Variants in PKD1L1 observed in about 807,000 individuals in gnomAD.
The protein encoded by PKD1L1 is polycystin-1-like protein 1.
Under a neutral mutation model 323.4 loss-of-function variants are expected in PKD1L1, and 236 were observed. The observed-to-expected ratio is 0.73, with a 90% CI of 0.66 to 0.81. The LOEUF (loss-of-function observed/expected upper bound fraction) is 0.81. PKD1L1 is among the 40% of genes least tolerant of loss of function. The pLI is 0.00. For synonymous variants in PKD1L1, 1,344 were observed against 1,335.0 expected, an observed-to-expected ratio of 1.01 and a Z score of -0.15; for missense variants, 3,320 against 3,508.0, an observed-to-expected ratio of 0.95 and a Z score of 1.35.
Position 47,885,815 on chromosome 7 carries a change from C to T in PKD1L1, c.3076G>A (p.Ala1026Thr), listed in dbSNP as rs144788330. The T allele has an allele frequency of 1.5e-4, 247 of 1,614,080 alleles. No individual in the cohort carries two copies. The highest frequency in any genetic ancestry group is 2.1e-4 in the Non-Finnish European group (243 of 1,180,044). The change falls in exon 18 of 57, where the codon GCA (alanine) becomes ACA (threonine). Residue 1026 changes from alanine to threonine, a missense_variant. Transcript: ENST00000289672. ...TCCTCTGGAGCCTCCCCCAGGACTG[C>T]AGAGTCCCCCGCAGGAGGAATCCAG... Reference protein sequence around the residue: ...VYWIPPAGDSAVLGEAPEEGS... With the variant: ...VYWIPPAGDSTVLGEAPEEGS...
chr7:47,880,282 A>AT (rs1309864473), intron 21 of PKD1L1, among the ~76,000 whole-genome samples: 5,059 of 69,492 alleles, frequency 0.073, 324 homozygotes, highest in East Asian at 0.22. Flanking sequence ...ATATATATAT[A>AT]TATTTTTTTT....
At chr7:47,893,198 C>G (rs978795900) in intron 15 of PKD1L1, among the ~76,000 whole-genome samples, 1 of 145,728 alleles carries the variant, frequency 6.9e-6, no homozygotes, top group African/African-American at 2.6e-5. Context: ...CCACTGCACT[C>G]CAGTCTGGGT....
Position 47,796,161 on chromosome 7 carries a change from G to A in PKD1L1, c.8194-11C>T, listed in dbSNP as rs1562933492. 17 of 1,565,180 alleles carry A rather than the reference G, an allele frequency of 1.1e-5. No individual in the cohort carries two copies. The highest frequency in any genetic ancestry group is 1.7e-4 in the Middle Eastern group (1 of 5,818). On this transcript the variant is annotated splice_polypyrimidine_tract_variant and intron_variant, in intron 54 of 56. Transcript: ENST00000289672. ...GAGAAAACCTCTCAGCTAGGAAAAA[G>A]AAAAAAATAAAGACAAATTTCATGT...
In PKD1L1 at chr7:47,821,136, T is replaced by C. The variant is rs745756530; in HGVS notation, c.6905A>G (p.Tyr2302Cys). Residue 2302 changes from tyrosine to cysteine, a missense_variant, in exon 46 of 57, where the codon TAT becomes TGT. Tyr to Cys is a radical substitution (Grantham distance 194, BLOSUM62 -2). Coordinates refer to ENST00000289672, the MANE Select transcript of PKD1L1 (RefSeq NM_138295.5). ...GTATTCATCTTGGGAAAATCTCCCA[T>C]ATATTACACACAAAAGCAGAAGCAG... is the stretch of plus-strand genomic sequence containing the variant. ...LMLLLLLCVI[Y>C]GRFSQDEYSL... 2 of 1,611,058 alleles carry C rather than the reference T, an allele frequency of 1.2e-6. No individual in the cohort carries two copies. The highest frequency in any genetic ancestry group is 1.3e-5 in the African/African-American group (1 of 74,968).
At chr7:47,779,798 T>C (rs551264259) in intron 56 of PKD1L1, among the ~76,000 whole-genome samples, 1 of 152,320 alleles carries the variant, frequency 6.6e-6, no homozygotes, top group East Asian at 1.9e-4. Flanking sequence ...GAAGCTCAGA[T>C]GCCTTCATGC....
chr7:47,791,058 A>G (rs981070628), intron 56 of PKD1L1, among the ~76,000 whole-genome samples: 4 of 152,138 alleles, frequency 2.6e-5, no homozygotes, highest in Admixed American at 2.6e-4. Flanking sequence ...AATAGATGTG[A>G]ATCCATTTCT....
chr7:47,902,049 G>A (rs1787101356), intron 13 of PKD1L1, among the ~76,000 whole-genome samples: 1 of 151,628 alleles, frequency 6.6e-6, no homozygotes, highest in Non-Finnish European at 1.5e-5. Context: ...GAAAAGAAAA[G>A]AAAAGAAAAA....
At chr7:47,823,159 C>T (rs1015651261) in intron 45 of PKD1L1, among the ~76,000 whole-genome samples, 2 of 152,100 alleles carry the variant, frequency 1.3e-5, no homozygotes, top group African/African-American at 4.8e-5. Flanking sequence ...AAAAAACATT[C>T]GATATCTCTC....
intron 9 of PKD1L1, among the ~76,000 whole-genome samples, chr7:47,907,085 T>C (rs905785574): frequency 6.6e-6 from 1 of 152,180 alleles, no homozygotes; most frequent in African/African-American, 2.4e-5. Flanking sequence ...GACAAGTCAA[T>C]ATGAATGACC....
At chr7:47,820,006 C>T (rs1300701886) in intron 46 of PKD1L1, among the ~76,000 whole-genome samples, 1 of 152,172 alleles carries the variant, frequency 6.6e-6, no homozygotes, top group African/African-American at 2.4e-5. Flanking sequence ...TCCTGGAACA[C>T]ACTGAATTAT....
chr7:47,954,107 G>A, the PKD1L1 span, among the ~76,000 whole-genome samples: 120 of 152,282 alleles, frequency 7.9e-4, 1 homozygote, highest in Middle Eastern at 6.8e-3. Flanking sequence ...CTGGTCACAA[G>A]GTTTGAGCCC....
At chr7:47,821,528 C>T (rs1785140664) in intron 45 of PKD1L1, among the ~76,000 whole-genome samples, 1 of 152,068 alleles carries the variant, frequency 6.6e-6, no homozygotes, top group Non-Finnish European at 1.5e-5. Context: ...CTCAGCCTCC[C>T]AAAGTGCTGG....
intron 13 of PKD1L1, among the ~76,000 whole-genome samples, chr7:47,898,612 T>C (rs1178975022): frequency 2.6e-5 from 4 of 152,080 alleles, no homozygotes; most frequent in African/African-American, 4.8e-5. Context: ...AAGAAAATCA[T>C]TTGCAGTATA....
In PKD1L1 at chr7:47,910,563, C is replaced by T. The variant is rs192846658; in HGVS notation, c.1229-2313G>A. 8.5e-3 allele frequency among the ~76,000 whole-genome samples: 1,292 copies of T among 152,142 alleles called. 18 individuals carry two copies. Among genetic ancestry groups the T allele is most frequent in the African/African-American group, 0.029 (1,210 of 41,510 alleles). ...CCGTGTTAGCCAGGATGGTCTCGAT[C>T]TCCCAACCTCATGATCCACTCTCCT... On this transcript the variant is annotated intron_variant, in intron 8 of 56. Transcript: ENST00000289672.
intron 8 of PKD1L1, among the ~76,000 whole-genome samples, chr7:47,912,091 T>C (rs1787334596): frequency 6.6e-6 from 1 of 152,056 alleles, no homozygotes; most frequent in Non-Finnish European, 1.5e-5. Context: ...TAGATTAAGA[T>C]AATTTATCAG....
intron 56 of PKD1L1, among the ~76,000 whole-genome samples, chr7:47,776,212 T>C (rs1249046647): frequency 6.6e-6 from 1 of 152,254 alleles, no homozygotes; most frequent in Non-Finnish European, 1.5e-5. Context: ...CAATTCTAGA[T>C]GGCATCTCTG....
rs1033369060 is a variant in PKD1L1, at chr7:47,803,451, G to A, written c.7828-107C>T. On this transcript the variant is annotated intron_variant, in intron 52 of 56. Coordinates refer to ENST00000289672, the MANE Select transcript of PKD1L1 (RefSeq NM_138295.5). ...TAAAGAGTTCATTGGATTTGATGATGTTATATAGACCCATGAGTCTCCGAG... is the reference window on the plus strand; with the variant it reads ...TAAAGAGTTCATTGGATTTGATGATATTATATAGACCCATGAGTCTCCGAG... The A allele has an allele frequency of 5.3e-6, 7 of 1,331,322 alleles. No homozygotes were observed. The African/African-American group carries it at 7.2e-5, about 14-fold the overall frequency. The allele number at this position is 1,331,322 out of a possible 1,614,324, so 82.5% of individuals were successfully genotyped here.
At chr7:47,823,290 A>G (rs922187415) in intron 45 of PKD1L1, among the ~76,000 whole-genome samples, 6 of 152,090 alleles carry the variant, frequency 3.9e-5, no homozygotes, top group African/African-American at 7.2e-5. Context: ...GGATGAATTA[A>G]TGTTGAATTT....
chr7:47,886,222 T>C (rs1014945509), intron 17 of PKD1L1, among the ~76,000 whole-genome samples, 168 bp from the exon 18 acceptor site: 13 of 152,168 alleles, frequency 8.5e-5, no homozygotes, highest in Admixed American at 2.0e-4. Context: ...TGGCGTGTTC[T>C]GTGTTGGCAT....
Sources: allele counts gnomAD v4.1 joint callset (sites outside exome capture counted in the v4.1 genomes callset), GRCh38; gene constraint gnomAD v4.1.1; transcripts MANE v1.5; gene names NCBI Gene and HGNC (gene_info 2026-07-23, HGNC 2026-07-21).